The following IL1RAPL1 variants were observed in gnomAD, a reference collection of about 807,000 sequenced individuals.
IL1RAPL1 encodes interleukin-1 receptor accessory protein-like 1.
Under a neutral mutation model 48.4 loss-of-function variants are expected in IL1RAPL1, and 3 were observed. The ratio of observed to expected loss-of-function variants is 0.06; its 90% CI spans 0.03 to 0.16. The LOEUF is 0.16. Ranked by LOEUF, IL1RAPL1 falls within the 10% of genes least tolerant of loss-of-function variation. The pLI is 1.00. For synonymous variants in IL1RAPL1, 185 were observed against 187.7 expected, an observed-to-expected ratio of 0.99 and a Z score of 0.12; for missense variants, 349 against 530.6, an observed-to-expected ratio of 0.66 and a Z score of 3.36.
chrX:28,900,918 C>G (rs1269920869), intron 2 of IL1RAPL1, among the ~76,000 whole-genome samples: 5 of 111,803 alleles, frequency 4.5e-5, no homozygotes, highest in Non-Finnish European at 9.4e-5. Context: ...AGGATATTAA[C>G]TCTTATATAT....
At chrX:29,795,185 C>G (rs1341522461) in intron 6 of IL1RAPL1, among the ~76,000 whole-genome samples, 2 of 111,745 alleles carry the variant, frequency 1.8e-5, no homozygotes, top group Admixed American at 9.5e-5. Flanking sequence ...ATATCCTATA[C>G]ATGTTATATA....
intron 3 of IL1RAPL1, 63 bp downstream of exon 3, chrX:29,283,280 AT>A: frequency 9.2e-7 from 1 of 1,084,430 alleles, no homozygotes; most frequent in Non-Finnish European, 1.3e-6. Flanking sequence ...TCGTACTTAA[AT>A]GTTGCTGCTA....
chrX:28,857,077 T>C (rs777259918), intron 2 of IL1RAPL1, among the ~76,000 whole-genome samples: 1 of 112,154 alleles, frequency 8.9e-6, no homozygotes, highest in South Asian at 3.7e-4. Flanking sequence ...GGAGAAAGCT[T>C]GTGTAATCTG....
At chrX:29,488,318 G>A (rs1420003373) in intron 5 of IL1RAPL1, among the ~76,000 whole-genome samples, 1 of 111,316 alleles carries the variant, frequency 9.0e-6, no homozygotes, top group Non-Finnish European at 1.9e-5. Context: ...TGCGCCTGTA[G>A]TCCCAGCTAC....
intron 1 of IL1RAPL1, among the ~76,000 whole-genome samples, chrX:28,787,766 G>A (rs775362908): frequency 1.9e-4 from 21 of 111,542 alleles, no homozygotes; most frequent in African/African-American, 6.8e-4. Flanking sequence ...CCCAAAATGT[G>A]ATAGTTTTGG....
At chrX:29,721,863 A>G (rs754862229) in intron 6 of IL1RAPL1, among the ~76,000 whole-genome samples, 1 of 112,302 alleles carries the variant, frequency 8.9e-6, no homozygotes, top group South Asian at 3.7e-4. Flanking sequence ...AAATATCTTT[A>G]GAATAGTAAT....
chrX:29,463,161 C>G (rs976845957), intron 5 of IL1RAPL1, among the ~76,000 whole-genome samples: 2 of 101,827 alleles, frequency 2.0e-5, no homozygotes, highest in African/African-American at 7.2e-5. Flanking sequence ...GAGATTCACA[C>G]AAGAAATACC....
At chrX:29,083,417 A>G (rs753564999) in intron 2 of IL1RAPL1, among the ~76,000 whole-genome samples, 2 of 112,175 alleles carry the variant, frequency 1.8e-5, no homozygotes, top group African/African-American at 3.2e-5. Context: ...ATAAGAGATC[A>G]CTGTGCTCTA....
At chrX:28,827,345 C>CT (rs985199981) in intron 2 of IL1RAPL1, among the ~76,000 whole-genome samples, 1 of 110,968 alleles carries the variant, frequency 9.0e-6, no homozygotes, top group African/African-American at 3.3e-5. Flanking sequence ...TCTTTTTACT[C>CT]ATTAGTCTAA....
chrX:28,645,702 AGAGAAGAATT>A (rs1934601515), intron 1 of IL1RAPL1, among the ~76,000 whole-genome samples: 1 of 112,005 alleles, frequency 8.9e-6, no homozygotes, highest in African/African-American at 3.2e-5. Context: ...TAGAAATGAG[AGAGAAGAATT>A]GAGCCTATGA....
At chrX:28,719,975 T>G (rs1052221414) in intron 1 of IL1RAPL1, among the ~76,000 whole-genome samples, 2 of 111,025 alleles carry the variant, frequency 1.8e-5, no homozygotes, top group Non-Finnish European at 3.8e-5. Context: ...TTTTTTCCTA[T>G]TTAGTGACTA....
At chrX:29,369,935 A>G (rs1212160946) in intron 3 of IL1RAPL1, 1 of 111,812 alleles carries the variant, frequency 8.9e-6, no homozygotes, top group Non-Finnish European at 1.9e-5. Flanking sequence ...TGGCTAGCTC[A>G]TGTCGTATAT....
intron 2 of IL1RAPL1, among the ~76,000 whole-genome samples, chrX:28,792,467 C>T (rs907974302): frequency 9.1e-6 from 1 of 109,318 alleles, no homozygotes; most frequent in African/African-American, 3.3e-5. Flanking sequence ...ACAGTCCCAT[C>T]GCTGTTAATT....
chrX:28,975,815 A>G (rs940752012), intron 2 of IL1RAPL1, among the ~76,000 whole-genome samples: 2 of 112,395 alleles, frequency 1.8e-5, no homozygotes, highest in Non-Finnish European at 3.8e-5. Context: ...AGGAACTTGC[A>G]GTTTTAAATA....
rs764495069 is a variant in IL1RAPL1 at position 29,683,668 on chromosome X, C to T, written c.778+15164C>T. On this transcript the variant is annotated intron_variant, in intron 6 of 10. Coordinates refer to ENST00000378993, the MANE Select transcript of IL1RAPL1 (RefSeq NM_014271.4). ...TTTGTTGAGTTCTAATTGTGCACAA[C>T]ATGCAATACTCCCTTAAATCCATAA... Among the ~76,000 whole-genome samples, 8 of 112,160 alleles carry T rather than the reference C, an allele frequency of 7.1e-5. No individual in the cohort carries two copies. The East Asian group carries it at 2.2e-3, about 31-fold the overall frequency.
At chrX:29,829,155 TACACACACAC>T (rs57560936) in intron 6 of IL1RAPL1, among the ~76,000 whole-genome samples, 2,574 of 61,825 alleles carry the variant, frequency 0.042, 47 homozygotes, top group East Asian at 0.049. Flanking sequence ...GACAAAAACC[TACACACACAC>T]ACACACACAC....
intron 1 of IL1RAPL1, among the ~76,000 whole-genome samples, chrX:28,667,003 G>A (rs1460183402): frequency 3.6e-5 from 4 of 111,487 alleles, no homozygotes; most frequent in African/African-American, 1.3e-4. Context: ...TTGTAGTGTG[G>A]AGATATTTAT....
At chrX:28,964,667 C>G (rs1924876714) in intron 2 of IL1RAPL1, among the ~76,000 whole-genome samples, 1 of 111,674 alleles carries the variant, frequency 9.0e-6, no homozygotes, top group African/African-American at 3.2e-5. Flanking sequence ...TGCTTCTTTG[C>G]TCTTTAAGTG....
chrX:29,519,897 C>T (rs1457333102), intron 5 of IL1RAPL1, among the ~76,000 whole-genome samples: 1 of 111,677 alleles, frequency 9.0e-6, no homozygotes, highest in African/African-American at 3.3e-5. Context: ...TTCATTAATA[C>T]CATTTATTGG....
Sources: allele counts gnomAD v4.1 joint callset (sites outside exome capture counted in the v4.1 genomes callset), GRCh38; gene constraint gnomAD v4.1.1; transcripts MANE v1.5; gene names NCBI Gene and HGNC (gene_info 2026-07-23, HGNC 2026-07-21).